The following TBCK variants were observed in gnomAD, a reference collection of about 807,000 sequenced individuals.
The protein encoded by TBCK is TBC domain-containing protein kinase-like protein.
A neutral mutation model predicts 113.4 loss-of-function variants in TBCK; 99 were observed. The observed-to-expected ratio is 0.87, with a 90% CI of 0.74 to 1.03. The LOEUF is 1.03. TBCK is among the 50% of genes least tolerant of loss of function. The pLI, the probability that TBCK is intolerant of heterozygous loss-of-function variation, is 0.00. For synonymous variants in TBCK, 369 were observed against 370.8 expected (o/e 1.00, Z 0.05); for missense variants, 1,045 against 1,061.3 (o/e 0.98, Z 0.21).
rs1201031852 is a variant in TBCK, at chr4:106,247,182, A to G, written c.888T>C (p.Cys296=). ...TATCCTCAGGCAGAGTTAAATCAGC[A>G]CATCTCAGAGAAGATGAAAACAGAC... ...PASLFSSSLR[C]ADLTLPEDIS... is the part of the protein sequence containing the mutation. Residue 296 remains cysteine (C), a synonymous_variant, in exon 10 of 26, where the codon TGT becomes TGC. Transcript: ENST00000394708. 1.2e-6 allele frequency: 2 copies of G among 1,613,400 alleles called. No homozygotes were observed. Among genetic ancestry groups the G allele is most frequent in the South Asian group, 2.2e-5 (2 of 91,060 alleles).
chr4:106,228,803 TA>T (rs1222823647), intron 19 of TBCK, among the ~76,000 whole-genome samples: 1 of 152,164 alleles, frequency 6.6e-6, no homozygotes, highest in Admixed American at 6.5e-5. Context: ...ACTTTCAGTT[TA>T]TTGAAGAACC....
intron 5 of TBCK, among the ~76,000 whole-genome samples, chr4:106,255,558 T>C (rs1366076189): frequency 6.6e-6 from 1 of 152,104 alleles, no homozygotes; most frequent in Admixed American, 6.5e-5. Context: ...CCAGGGAACA[T>C]GGTTGTGCCC....
chr4:106,070,389 T>C (rs1392167853), intron 25 of TBCK, among the ~76,000 whole-genome samples: 1 of 152,204 alleles, frequency 6.6e-6, no homozygotes, highest in African/African-American at 2.4e-5. Flanking sequence ...TCTGCATCTA[T>C]TGAGATAATC....
intron 25 of TBCK, among the ~76,000 whole-genome samples, chr4:106,085,168 C>A (rs1459717600): frequency 6.6e-6 from 1 of 152,104 alleles, no homozygotes; most frequent in Admixed American, 6.5e-5. Flanking sequence ...GATAAGGAGT[C>A]AAGACCCATT....
At chr4:106,054,490 C>T (rs573231814) in intron 25 of TBCK, among the ~76,000 whole-genome samples, 10 of 151,586 alleles carry the variant, frequency 6.6e-5, no homozygotes, top group African/African-American at 2.2e-4. Context: ...TCTTTTTCCT[C>T]GTGTTAACCT....
intron 22 of TBCK, among the ~76,000 whole-genome samples, chr4:106,179,871 A>C (rs1378071174): frequency 6.6e-6 from 1 of 151,918 alleles, no homozygotes; most frequent in Non-Finnish European, 1.5e-5. Flanking sequence ...ACTGCACTCA[A>C]TCTCTCTCTT....
chr4:106,235,979 T>C (rs909182748), intron 14 of TBCK, among the ~76,000 whole-genome samples: 1 of 152,024 alleles, frequency 6.6e-6, no homozygotes, highest in African/African-American at 2.4e-5. Flanking sequence ...GTGCTCACTT[T>C]GCTAATGCAG....
intron 22 of TBCK, among the ~76,000 whole-genome samples, chr4:106,192,834 G>C (rs1022965688): frequency 5.9e-5 from 9 of 152,058 alleles, no homozygotes; most frequent in Non-Finnish European, 1.0e-4. Context: ...AATTTTAAGT[G>C]TGTTTATTAT....
intron 22 of TBCK, among the ~76,000 whole-genome samples, chr4:106,187,433 T>C (rs28852980): frequency 0.064 from 9,675 of 152,042 alleles, 358 homozygotes; most frequent in Non-Finnish European, 0.082. Context: ...TTTTTCTTTT[T>C]TGAGATGGAG....
At chr4:106,082,628 T>C (rs1041850720) in intron 25 of TBCK, among the ~76,000 whole-genome samples, 6 of 151,860 alleles carry the variant, frequency 4.0e-5, no homozygotes, top group African/African-American at 1.2e-4. Context: ...TAAAAATACT[T>C]GAGACTGGGT....
chr4:106,042,274 A>G lies in TBCK; in HGVS notation c.*4296T>C, dbSNP rs1377657017. 1 of 152,244 alleles carries G rather than the reference A, an allele frequency of 6.6e-6. No homozygotes were observed. Among genetic ancestry groups the G allele is most frequent in the Non-Finnish European group, 1.5e-5 (1 of 68,046 alleles). The allele number at this position is 152,244 out of a possible 1,614,324, so 9.4% of individuals were successfully genotyped here. ...TTACTAGTTACAACTGATAGAATGAAATATCTGCCAACCCTTTCTATATAG... is the reference window on the plus strand; with the variant it reads ...TTACTAGTTACAACTGATAGAATGAGATATCTGCCAACCCTTTCTATATAG... On this transcript the variant is annotated 3_prime_UTR_variant, in exon 26 of 26. Transcript: ENST00000394708.
chr4:106,051,032 T>C (rs1317615275), intron 25 of TBCK, among the ~76,000 whole-genome samples: 1 of 151,952 alleles, frequency 6.6e-6, no homozygotes, highest in African/African-American at 2.4e-5. Context: ...ATTAAGAGAC[T>C]GGCATGTTTG....
chr4:106,175,439 T>G (rs1751549840), intron 22 of TBCK, among the ~76,000 whole-genome samples: 2 of 151,836 alleles, frequency 1.3e-5, no homozygotes, highest in Admixed American at 1.3e-4. Context: ...CATGGTTATT[T>G]TGTTAGAAGA....
chr4:106,133,498 GATC>G (rs1439170018), intron 23 of TBCK, among the ~76,000 whole-genome samples: 2 of 152,088 alleles, frequency 1.3e-5, no homozygotes, highest in African/African-American at 4.8e-5. Flanking sequence ...GATAAAAAGA[GATC>G]ATTAAATAGG....
chr4:106,061,523 C>T (rs1393669413), intron 25 of TBCK, among the ~76,000 whole-genome samples: 1 of 149,066 alleles, frequency 6.7e-6, no homozygotes, highest in Admixed American at 6.7e-5. Flanking sequence ...TGCATACTTA[C>T]TAGACTACAG....
At chr4:106,306,938 A>G (rs1022827405) in intron 2 of TBCK, among the ~76,000 whole-genome samples, 72 of 152,350 alleles carry the variant, frequency 4.7e-4, no homozygotes, top group African/African-American at 1.7e-3. Context: ...GTCTGTGTGT[A>G]TATACCTATA....
intron 2 of TBCK, among the ~76,000 whole-genome samples, chr4:106,305,395 A>G (rs1767409522): frequency 6.6e-6 from 1 of 152,166 alleles, no homozygotes; most frequent in Non-Finnish European, 1.5e-5. Context: ...GACTACCAGC[A>G]TCATCAAAAT....
chr4:106,244,284 T>C (rs1436922554), intron 11 of TBCK, among the ~76,000 whole-genome samples: 2 of 152,160 alleles, frequency 1.3e-5, no homozygotes, highest in East Asian at 3.9e-4. Flanking sequence ...AGCTAGTTTT[T>C]AGTTAACTGT....
intron 2 of TBCK, 46 bp from the exon 3 acceptor site, chr4:106,295,212 A>G: frequency 6.4e-7 from 1 of 1,567,250 alleles, no homozygotes; most frequent in Non-Finnish European, 8.7e-7. Context: ...TCAATACAAC[A>G]TGTTAAAAAC....
Sources: gnomAD v4.1 joint callset for allele counts (sites outside exome capture counted in the v4.1 genomes callset) on GRCh38, gnomAD v4.1.1 for gene constraint, MANE v1.5 for transcripts, NCBI Gene and HGNC (gene_info 2026-07-23, HGNC 2026-07-21) for gene names.